Variants in RGS22 observed in about 807,000 individuals in gnomAD.
The protein encoded by RGS22 is regulator of G protein signaling 22.
A neutral mutation model predicts 172.9 loss-of-function variants in RGS22; 148 were observed. That is an observed-to-expected ratio of 0.86 (90% CI 0.75 to 0.98). The LOEUF (loss-of-function observed/expected upper bound fraction) is 0.98. Among genes scored for constraint, RGS22 ranks in the 50% least tolerant of loss-of-function variants. RGS22 has a pLI of 0.00. For synonymous variants in RGS22, 458 were observed against 480.2 expected (o/e 0.95, Z 0.60); for missense variants, 1,347 against 1,440.8 (o/e 0.93, Z 1.05).
chr8:100,101,171 A>C (rs1011541570), intron 2 of RGS22, among the ~76,000 whole-genome samples: 4 of 152,174 alleles, frequency 2.6e-5, no homozygotes, highest in African/African-American at 9.7e-5. Context: ...CTTCGCTATT[A>C]ATGCACTCTA....
chr8:100,056,806 G>C (rs1809660828), intron 9 of RGS22, among the ~76,000 whole-genome samples: 1 of 152,254 alleles, frequency 6.6e-6, no homozygotes, highest in African/African-American at 2.4e-5. Context: ...GAGAACCTCT[G>C]CTAGAGCAGT....
At position 100,066,194 on chromosome 8, in the gene RGS22, T is replaced by C. The variant is rs765025766; in HGVS notation, c.697A>G (p.Lys233Glu). 12 of 1,612,902 alleles carry C rather than the reference T, an allele frequency of 7.4e-6. No homozygotes were observed. The East Asian group carries it at 2.7e-4, about 36-fold the overall frequency. ...GAAACAGATGAAATAGCTGGTGATT[T>C]AAGTTTGTTGTAGGGTACACAACAG... is the stretch of plus-strand genomic sequence containing the variant. ...LPCCVPYNKL[K>E]SPAISSVSEN... The change falls in exon 7 of 28, where the codon AAA becomes GAA. Residue 233 changes from lysine to glutamate, a missense_variant. By Grantham distance (56) the Lys-to-Glu change is moderately conservative. Coordinates refer to ENST00000360863, the MANE Select transcript of RGS22 (RefSeq NM_015668.5).
At chr8:100,031,320 T>A (rs936736073) in intron 14 of RGS22, among the ~76,000 whole-genome samples, 2 of 152,158 alleles carry the variant, frequency 1.3e-5, no homozygotes, top group African/African-American at 4.8e-5. Context: ...CTAGGTGATA[T>A]ATTAAAATAA....
rs1563710281 is a variant in RGS22, at chr8:100,080,119, A to C, written c.339+15T>G. 5 of 1,524,706 alleles carry C rather than the reference A, an allele frequency of 3.3e-6. No homozygotes were observed. The highest frequency in any genetic ancestry group is 4.5e-6 in the Non-Finnish European group (5 of 1,105,590). 94.4% of individuals were successfully genotyped at this position (1,524,706 alleles called of 1,614,324 possible). On this transcript the variant is annotated intron_variant, in intron 4 of 27. Transcript: ENST00000360863. ...CTTTATCTATCTAACAAGATAAAAC[A>C]GTATACTTTCTTACCATAATATTGT...
Position 99,987,566 on chromosome 8 carries a change from T to C in RGS22, c.3072A>G (p.Lys1024=). 6.2e-7 allele frequency: 1 copy of C among 1,610,206 alleles called. No individual in the cohort carries two copies. The highest frequency in any genetic ancestry group is 8.5e-7 in the Non-Finnish European group (1 of 1,178,094). Residue 1024 remains lysine (K), a synonymous_variant, in exon 21 of 28, where the codon AAA becomes AAG. Coordinates refer to ENST00000360863, the MANE Select transcript of RGS22 (RefSeq NM_015668.5). ...SSSCKIIAFR[K]ALLNPVTSRQ... ...TTGAAGTAACTGGATTCAATAATGCTTTGCGAAAAGCAATGATTTTACAAG... is the reference window on the plus strand; with the variant it reads ...TTGAAGTAACTGGATTCAATAATGCCTTGCGAAAAGCAATGATTTTACAAG...
At chr8:100,091,783 C>A (rs1171567939) in intron 3 of RGS22, 2 of 152,040 alleles carry the variant, frequency 1.3e-5, no homozygotes, top group African/African-American at 4.8e-5. Flanking sequence ...ACAGGAAAGA[C>A]TATGTAATCT....
intron 2 of RGS22, among the ~76,000 whole-genome samples, chr8:100,097,923 A>AG (rs1813110467): frequency 6.6e-6 from 1 of 152,214 alleles, no homozygotes; most frequent in South Asian, 2.1e-4. Context: ...TACTACAAAA[A>AG]GGGCTTATGG....
chr8:100,064,700 AG>A (rs1810416151), intron 7 of RGS22, among the ~76,000 whole-genome samples: 1 of 152,202 alleles, frequency 6.6e-6, no homozygotes, highest in South Asian at 2.1e-4. Flanking sequence ...TCAATATATA[AG>A]GGCCAAATCT....
At chr8:100,041,769 G>C in intron 12 of RGS22, 33 bp downstream of exon 12, 1 of 1,130,932 alleles carries the variant, frequency 8.8e-7, no homozygotes, top group Non-Finnish European at 1.3e-6. Context: ...GTTAAATGAA[G>C]AATCAGGTTT....
intron 19 of RGS22, among the ~76,000 whole-genome samples, chr8:99,998,544 T>C (rs1251937022): frequency 1.3e-5 from 2 of 152,166 alleles, no homozygotes; most frequent in African/African-American, 4.8e-5. Context: ...GAATAGCCAC[T>C]GCACTCCAGT....
At chr8:100,084,560 A>C (rs2131935116) in intron 3 of RGS22, among the ~76,000 whole-genome samples, 1 of 152,350 alleles carries the variant, frequency 6.6e-6, no homozygotes, top group Admixed American at 6.5e-5. Flanking sequence ...AAACTTAAGA[A>C]TTTCTTTCTA....
At chr8:100,092,758 T>C (rs1586271546) in intron 3 of RGS22, among the ~76,000 whole-genome samples, 1 of 152,328 alleles carries the variant, frequency 6.6e-6, no homozygotes, top group East Asian at 1.9e-4. Context: ...GCATAGACTA[T>C]ATGGACTAGG....
chr8:100,014,116 C>T (rs909288546), intron 14 of RGS22, among the ~76,000 whole-genome samples: 10 of 151,306 alleles, frequency 6.6e-5, no homozygotes, highest in Admixed American at 2.6e-4. Flanking sequence ...GTATAAATGC[C>T]CTCAACTTTC....
chr8:100,008,650 T>A, intron 14 of RGS22, 81 bp from the exon 15 acceptor site: 2 of 1,101,542 alleles, frequency 1.8e-6, no homozygotes, highest in Non-Finnish European at 2.6e-6. Flanking sequence ...AGGCATTTTT[T>A]AAAAACTAAG....
chr8:100,051,296 C>T (rs1821252160), intron 10 of RGS22, among the ~76,000 whole-genome samples: 1 of 149,772 alleles, frequency 6.7e-6, no homozygotes. Context: ...TTAGCAGGAG[C>T]TTATACAACT....
chr8:99,974,920 G>A (rs1811768169), intron 23 of RGS22, among the ~76,000 whole-genome samples: 2 of 151,990 alleles, frequency 1.3e-5, no homozygotes, highest in South Asian at 4.2e-4. Flanking sequence ...GGCCAAGGTG[G>A]GCGGATTACT....
At chr8:100,029,531 GTC>G (rs1332602626) in intron 14 of RGS22, among the ~76,000 whole-genome samples, 4 of 151,678 alleles carry the variant, frequency 2.6e-5, no homozygotes, top group African/African-American at 9.7e-5. Context: ...GTGAAACCCC[GTC>G]TCTACTAAAA....
intron 23 of RGS22, among the ~76,000 whole-genome samples, chr8:99,972,906 C>T (rs533306271): frequency 2.0e-5 from 3 of 147,106 alleles, no homozygotes; most frequent in Admixed American, 1.4e-4. Flanking sequence ...TGGTGGTGGG[C>T]GACTGTAGTC....
intron 14 of RGS22, among the ~76,000 whole-genome samples, chr8:100,014,548 C>A (rs1279127127): frequency 6.6e-6 from 1 of 152,194 alleles, no homozygotes; most frequent in Non-Finnish European, 1.5e-5. Flanking sequence ...ATCCCTTATG[C>A]AGCTTTAATA....
Sources: allele counts gnomAD v4.1 joint callset (sites outside exome capture counted in the v4.1 genomes callset), GRCh38; gene constraint gnomAD v4.1.1; transcripts MANE v1.5; gene names NCBI Gene and HGNC (gene_info 2026-07-23, HGNC 2026-07-21).